SIK3: variants seen among roughly 807,000 people sequenced by gnomAD.
The protein encoded by SIK3 is serine/threonine-protein kinase SIK3.
SIK3 carries 28 observed loss-of-function variants against 144.2 expected under a neutral mutation model. That is an observed-to-expected ratio of 0.19 (90% CI 0.14 to 0.27). The LOEUF (loss-of-function observed/expected upper bound fraction) is 0.27. SIK3 is among the 10% of genes least tolerant of loss of function. The pLI is 1.00. For synonymous variants in SIK3, 686 were observed against 676.3 expected, an observed-to-expected ratio of 1.01 and a Z score of -0.22; for missense variants, 1,319 against 1,776.0, an observed-to-expected ratio of 0.74 and a Z score of 4.62.
intron 21 of SIK3, among the ~76,000 whole-genome samples, chr11:116,852,397 A>G (rs1359884124): frequency 6.6e-6 from 1 of 152,216 alleles, no homozygotes; most frequent in Non-Finnish European, 1.5e-5. Context: ...CCTGACTCCC[A>G]GCCCAGAGCT....
chr11:116,901,329 C>A (rs1052296591), intron 4 of SIK3, among the ~76,000 whole-genome samples: 1 of 152,138 alleles, frequency 6.6e-6, no homozygotes, highest in Non-Finnish European at 1.5e-5. Flanking sequence ...AATAACTGGG[C>A]CAATCCTCTT....
chr11:116,936,587 T>C (rs1422490619), intron 3 of SIK3, among the ~76,000 whole-genome samples: 1 of 152,212 alleles, frequency 6.6e-6, no homozygotes, highest in East Asian at 1.9e-4. Context: ...TCAACTCCTC[T>C]TTCTTCCTCA....
At chr11:116,930,846 T>C (rs1947565880) in intron 3 of SIK3, among the ~76,000 whole-genome samples, 1 of 151,828 alleles carries the variant, frequency 6.6e-6, no homozygotes, top group East Asian at 1.9e-4. Context: ...ACTAAGCTTT[T>C]TTCACCATCA....
intron 16 of SIK3, among the ~76,000 whole-genome samples, chr11:116,862,635 T>C (rs1447536572): frequency 3.3e-5 from 5 of 152,180 alleles, no homozygotes; most frequent in African/African-American, 1.2e-4. Flanking sequence ...GAAAGGAAAT[T>C]GGCTCTTTAT....
intron 3 of SIK3, among the ~76,000 whole-genome samples, chr11:116,931,910 G>A (rs1354355417): frequency 6.6e-6 from 1 of 152,232 alleles, no homozygotes; most frequent in African/African-American, 2.4e-5. Flanking sequence ...ACTAGAGGAA[G>A]AGGGTTTGTC....
At chr11:117,028,881 A>C in intron 1 of SIK3, among the ~76,000 whole-genome samples, 1 of 152,034 alleles carries the variant, frequency 6.6e-6, no homozygotes, top group East Asian at 1.9e-4. Context: ...TAAAATGACA[A>C]ACTGGGCCAG....
chr11:116,926,432 T>C (rs1392969058), intron 4 of SIK3, among the ~76,000 whole-genome samples: 2 of 152,196 alleles, frequency 1.3e-5, no homozygotes, highest in African/African-American at 2.4e-5. Context: ...ATAAGCAGAC[T>C]AGTAAAATTT....
intron 1 of SIK3, among the ~76,000 whole-genome samples, chr11:117,073,878 TTA>T (rs1315619422): frequency 6.6e-6 from 1 of 152,206 alleles, no homozygotes; most frequent in East Asian, 1.9e-4. Context: ...TAAGAAAATT[TTA>T]TGTTTTCACT....
intron 4 of SIK3, among the ~76,000 whole-genome samples, chr11:116,899,835 G>C (rs1202525968): frequency 1.3e-5 from 2 of 152,148 alleles, no homozygotes; most frequent in African/African-American, 2.4e-5. Flanking sequence ...TGAAATCACA[G>C]CATCTGAAAA....
At chr11:116,853,249 T>A (rs747057898) in intron 21 of SIK3, among the ~76,000 whole-genome samples, 1 of 152,180 alleles carries the variant, frequency 6.6e-6, no homozygotes, top group Non-Finnish European at 1.5e-5. Context: ...TTTGTGACAC[T>A]CTATAAATAA....
chr11:117,032,044 T>C (rs1952285605), intron 1 of SIK3, among the ~76,000 whole-genome samples: 1 of 152,218 alleles, frequency 6.6e-6, no homozygotes, highest in African/African-American at 2.4e-5. Flanking sequence ...CTTTGGTCTA[T>C]CCTTCTACCA....
intron 1 of SIK3, among the ~76,000 whole-genome samples, chr11:117,037,120 G>C (rs1192945967): frequency 6.6e-6 from 1 of 152,162 alleles, no homozygotes; most frequent in Admixed American, 6.6e-5. Flanking sequence ...TATTACTCTA[G>C]GAAAATTGTG....
At chr11:116,913,423 G>C (rs141955303) in intron 4 of SIK3, among the ~76,000 whole-genome samples, 2 of 152,056 alleles carry the variant, frequency 1.3e-5, no homozygotes, top group African/African-American at 4.8e-5. Context: ...GCTGAACTCA[G>C]CTATTTTAAA....
intron 1 of SIK3, among the ~76,000 whole-genome samples, chr11:117,056,126 T>C (rs1256114954): frequency 3.3e-5 from 5 of 152,122 alleles, no homozygotes; most frequent in African/African-American, 9.7e-5. Context: ...GGAAAAGGAT[T>C]AGTTAATAAA....
chr11:117,090,317 C>T (rs1453901674), intron 1 of SIK3, among the ~76,000 whole-genome samples: 1 of 151,816 alleles, frequency 6.6e-6, no homozygotes, highest in African/African-American at 2.4e-5. Flanking sequence ...TGGAGAACAG[C>T]CATAGCCCAC....
chr11:116,964,391 G>A (rs1307391138), intron 1 of SIK3, among the ~76,000 whole-genome samples: 4 of 152,206 alleles, frequency 2.6e-5, no homozygotes, highest in African/African-American at 7.2e-5. Context: ...TATTTGGAAA[G>A]AACAGGTTAT....
intron 1 of SIK3, among the ~76,000 whole-genome samples, chr11:117,070,500 G>A (rs1954217160): frequency 6.6e-6 from 1 of 151,264 alleles, no homozygotes; most frequent in Non-Finnish European, 1.5e-5. Flanking sequence ...AGGCTGGAGT[G>A]CAATGGCACG....
At chr11:117,052,266 T>C (rs1287013240) in intron 1 of SIK3, among the ~76,000 whole-genome samples, 1 of 152,170 alleles carries the variant, frequency 6.6e-6, no homozygotes, top group Non-Finnish European at 1.5e-5. Flanking sequence ...TTTGCGAGGA[T>C]TTTTTATAAT....
chr11:116,998,469 TTA>T (rs1565540734), intron 1 of SIK3, among the ~76,000 whole-genome samples: 1 of 40,664 alleles, frequency 2.5e-5, no homozygotes, highest in East Asian at 3.5e-4. Context: ...AGACTCCGTC[TTA>T]AAAAAAAAAA....
Sources: gnomAD v4.1 joint callset for allele counts (sites outside exome capture counted in the v4.1 genomes callset) on GRCh38, gnomAD v4.1.1 for gene constraint, MANE v1.5 for transcripts, NCBI Gene and HGNC (gene_info 2026-07-23, HGNC 2026-07-21) for gene names.